Variants in FMNL2 observed in about 807,000 individuals in gnomAD.
FMNL2 encodes formin like 2.
A neutral mutation model predicts 130.2 loss-of-function variants in FMNL2; 51 were observed. That is an observed-to-expected ratio of 0.39 (90% CI 0.31 to 0.49). The LOEUF (loss-of-function observed/expected upper bound fraction) is 0.49. FMNL2 is among the 20% of genes least tolerant of loss of function. The pLI is 0.85. For missense variants in FMNL2, 977 were observed against 1,316.2 expected, an observed-to-expected ratio of 0.74 and a Z score of 3.99; for synonymous variants, 465 against 467.1, an observed-to-expected ratio of 1.00 and a Z score of 0.06.
At chr2:152,593,365 A>G (rs1355629078) in intron 9 of FMNL2, among the ~76,000 whole-genome samples, 3 of 152,134 alleles carry the variant, frequency 2.0e-5, no homozygotes, top group African/African-American at 7.2e-5. Context: ...ATATATATAT[A>G]TTGCATTTGA....
rs563256351 is a variant in FMNL2 at position 152,558,780 on chromosome 2, G to C, written c.400G>C (p.Asp134His). ...EFLNEENKGL[D>H]VLVEYLSFAQ... is the part of the protein sequence containing the mutation. ...TCTGAATGAAGAAAACAAAGGTCTTGATGTTCTAGTGGAATATCTCTCATT... is the reference window on the plus strand; with the variant it reads ...TCTGAATGAAGAAAACAAAGGTCTTCATGTTCTAGTGGAATATCTCTCATT... The change falls in exon 5 of 26, where the codon GAT (aspartate) becomes CAT (histidine). Residue 134 changes from aspartate to histidine, a missense_variant. By Grantham distance (81) the Asp-to-His change is moderately conservative. Around this residue, in one of 4 missense-constraint regions of FMNL2, gnomAD observed 689 missense variants for 995.9 expected, o/e 0.69. Transcript: ENST00000288670. The C allele has an allele frequency of 5.6e-6, 9 of 1,612,190 alleles. No homozygotes were observed. Among genetic ancestry groups the C allele is most frequent in the Middle Eastern group, 1.6e-4 (1 of 6,074 alleles).
chr2:152,523,884 A>G (rs1474469969), intron 2 of FMNL2, among the ~76,000 whole-genome samples: 1 of 152,206 alleles, frequency 6.6e-6, no homozygotes, highest in Non-Finnish European at 1.5e-5. Context: ...GTGCTTATTG[A>G]AAACATGTTG....
chr2:152,599,479 C>T (rs1292006868), intron 9 of FMNL2, among the ~76,000 whole-genome samples: 1 of 116,380 alleles, frequency 8.6e-6, no homozygotes, highest in East Asian at 3.1e-4. Flanking sequence ...AGGGGTGATG[C>T]GTCAATGAGT....
At chr2:152,646,816 CT>C (rs1350886794) in intron 25 of FMNL2, among the ~76,000 whole-genome samples, 1 of 152,180 alleles carries the variant, frequency 6.6e-6, no homozygotes, top group Non-Finnish European at 1.5e-5. Context: ...ATAAAGCCTG[CT>C]TTACTTTTTT....
intron 1 of FMNL2, among the ~76,000 whole-genome samples, chr2:152,450,778 C>G (rs1019097348): frequency 1.3e-5 from 2 of 152,222 alleles, no homozygotes; most frequent in African/African-American, 4.8e-5. Flanking sequence ...TGCCCAAGCT[C>G]TCACAAAAGC....
chr2:152,529,095 A>G (rs1693557437), intron 2 of FMNL2, among the ~76,000 whole-genome samples: 1 of 152,214 alleles, frequency 6.6e-6, no homozygotes, highest in South Asian at 2.1e-4. Context: ...CACGATTACC[A>G]ATTTTGATAG....
chr2:152,480,307 CT>C lies in FMNL2; in HGVS notation c.118-41634del, dbSNP rs566058989. 8.1e-4 allele frequency among the ~76,000 whole-genome samples: 123 copies of C among 152,222 alleles called. 1 individual carries two copies. The highest frequency in any genetic ancestry group is 2.8e-3 in the African/African-American group (117 of 41,504). On this transcript the variant is annotated intron_variant, in intron 1 of 25. Transcript: ENST00000288670. ...TGAATTAGCAGAACCAGAAGTTACA[CT>C]TAAGATAGGTTAGGTAATTTCTAAA...
At chr2:152,485,896 T>C (rs1428623925) in intron 1 of FMNL2, among the ~76,000 whole-genome samples, 3 of 152,308 alleles carry the variant, frequency 2.0e-5, no homozygotes, top group Non-Finnish European at 4.4e-5. Context: ...CAAAATTGCT[T>C]ATTAAACCAC....
intron 18 of FMNL2, 120 bp downstream of exon 18, chr2:152,628,653 T>C: frequency 2.5e-6 from 2 of 801,076 alleles, no homozygotes; most frequent in Non-Finnish European, 4.0e-6. Context: ...TCCCAGAACT[T>C]TCTAAATTGC....
At chr2:152,338,911 A>G (rs1372518116) in intron 1 of FMNL2, among the ~76,000 whole-genome samples, 1 of 151,920 alleles carries the variant, frequency 6.6e-6, no homozygotes, top group Non-Finnish European at 1.5e-5. Flanking sequence ...ACTCTAACCT[A>G]TGTATAATTT....
intron 1 of FMNL2, among the ~76,000 whole-genome samples, chr2:152,400,248 A>G (rs980421385): frequency 6.6e-5 from 10 of 152,142 alleles, no homozygotes; most frequent in African/African-American, 2.2e-4. Context: ...CCTGGCCAAC[A>G]TGGCGAAACT....
At chr2:152,383,902 CTGTA>C (rs1234240915) in intron 1 of FMNL2, among the ~76,000 whole-genome samples, 5 of 152,138 alleles carry the variant, frequency 3.3e-5, no homozygotes, top group African/African-American at 7.2e-5. Flanking sequence ...ATTTGTAAAA[CTGTA>C]TGTGCATATT....
At chr2:152,617,286 G>C in intron 13 of FMNL2, 94 bp downstream of exon 13, 1 of 1,057,780 alleles carries the variant, frequency 9.5e-7, no homozygotes, top group South Asian at 1.4e-5. Context: ...CATTTCAGAG[G>C]AATGCATTGA....
At chr2:152,412,463 TA>T (rs1686359425) in intron 1 of FMNL2, among the ~76,000 whole-genome samples, 1 of 9,344 alleles carries the variant, frequency 1.1e-4, no homozygotes, top group African/African-American at 2.5e-4. Context: ...TATATATATA[TA>T]TATATATATA....
chr2:152,431,559 TA>T, intron 1 of FMNL2, among the ~76,000 whole-genome samples: 1 of 152,232 alleles, frequency 6.6e-6, no homozygotes, highest in Non-Finnish European at 1.5e-5. Flanking sequence ...TTGCAGTCAC[TA>T]AAACATCAAA....
chr2:152,642,220 G>T (rs1965785), intron 25 of FMNL2, among the ~76,000 whole-genome samples: 3 of 152,022 alleles, frequency 2.0e-5, no homozygotes, highest in African/African-American at 7.3e-5. Context: ...GATTACAGGC[G>T]TGAGCCACCA....
chr2:152,463,092 C>T (rs1001626535), intron 1 of FMNL2, among the ~76,000 whole-genome samples: 1 of 152,108 alleles, frequency 6.6e-6, no homozygotes. Context: ...CCAGTTAGCA[C>T]GTCGGATTTC....
At chr2:152,509,763 T>TTTTTTTTTA (rs1198654296) in intron 1 of FMNL2, among the ~76,000 whole-genome samples, 2 of 144,654 alleles carry the variant, frequency 1.4e-5, no homozygotes, top group African/African-American at 2.6e-5. Context: ...TTTTTTTTTT[T>TTTTTTTTTA]GAGAGAGGGT....
intron 1 of FMNL2, among the ~76,000 whole-genome samples, chr2:152,398,653 A>T (rs1685525680): frequency 6.6e-6 from 1 of 152,214 alleles, no homozygotes; most frequent in African/African-American, 2.4e-5. Flanking sequence ...AGCCATGTGT[A>T]CATTTTATCT....
Sources: allele counts gnomAD v4.1 joint callset (sites outside exome capture counted in the v4.1 genomes callset), GRCh38; gene constraint gnomAD v4.1.1; regional missense constraint gnomAD v4.1.1; transcripts MANE v1.5; gene names NCBI Gene and HGNC (gene_info 2026-07-23, HGNC 2026-07-21).